The following GPM6A variants were observed in gnomAD, a reference collection of about 807,000 sequenced individuals.
GPM6A encodes glycoprotein M6A.
Under a neutral mutation model 32.1 loss-of-function variants are expected in GPM6A, and 7 were observed. The observed-to-expected ratio is 0.22, with a 90% CI of 0.12 to 0.41. GPM6A has a LOEUF of 0.41. Among genes scored for constraint, GPM6A ranks in the 10% least tolerant of loss-of-function variants. GPM6A has a pLI of 1.00. For synonymous variants in GPM6A, 130 were observed against 123.4 expected (o/e 1.05, Z -0.35); for missense variants, 235 against 347.2 (o/e 0.68, Z 2.57).
At chr4:175,641,065 T>G in intron 4 of GPM6A, 1 of 483,284 alleles carries the variant, frequency 2.1e-6, no homozygotes, top group South Asian at 2.5e-5. Context: ...CTGAATTCAA[T>G]TGAATCTCAC....
intron 2 of GPM6A, among the ~76,000 whole-genome samples, chr4:175,700,986 A>C (rs1162707619): frequency 6.6e-6 from 1 of 152,216 alleles, no homozygotes; most frequent in Non-Finnish European, 1.5e-5. Context: ...ACATAATCAT[A>C]GTGATCTTAG....
At chr4:175,701,541 A>T (rs977978299) in intron 2 of GPM6A, 34 bp downstream of exon 2, 2 of 1,491,068 alleles carry the variant, frequency 1.3e-6, no homozygotes, top group Non-Finnish European at 9.3e-7. Flanking sequence ...AAATATATAC[A>T]TGGAAAATAA....
chr4:175,735,013 A>G (rs1297909102), intron 1 of GPM6A, among the ~76,000 whole-genome samples: 12 of 152,236 alleles, frequency 7.9e-5, no homozygotes, highest in Admixed American at 7.2e-4. Context: ...TATAAATGTC[A>G]TGAAACCATA....
intron 1 of GPM6A, among the ~76,000 whole-genome samples, chr4:175,795,567 T>C (rs780166129): frequency 7.0e-4 from 107 of 151,970 alleles, no homozygotes; most frequent in Non-Finnish European, 1.4e-3. Flanking sequence ...CTGCACAACA[T>C]ACTGAGACCC....
intron 1 of GPM6A, among the ~76,000 whole-genome samples, chr4:175,982,835 A>G (rs1740857233): frequency 1.3e-5 from 2 of 152,152 alleles, no homozygotes; most frequent in Admixed American, 6.5e-5. Context: ...AGAATTGACA[A>G]TTTAATATTG....
At chr4:175,703,422 T>C (rs1744991729) in intron 1 of GPM6A, among the ~76,000 whole-genome samples, 2 of 152,088 alleles carry the variant, frequency 1.3e-5, no homozygotes, top group South Asian at 4.1e-4. Context: ...CCATCCACCC[T>C]AGCCTCCCAA....
At chr4:175,959,638 G>A (rs114594690) in intron 1 of GPM6A, among the ~76,000 whole-genome samples, 1 of 152,158 alleles carries the variant, frequency 6.6e-6, no homozygotes, top group African/African-American at 2.4e-5. Context: ...TTGCTACTCT[G>A]TGTGACAAAA....
chr4:175,899,133 T>G (rs994424452), intron 1 of GPM6A, among the ~76,000 whole-genome samples: 1 of 152,298 alleles, frequency 6.6e-6, no homozygotes, highest in Admixed American at 6.5e-5. Flanking sequence ...TGCTTCTTCC[T>G]CTCCCCTCTA....
rs186665661 is a variant in GPM6A, at chr4:175,700,196, A to G, written c.230+1379T>C. Among the ~76,000 whole-genome samples the G allele has an allele frequency of 2.1e-3, 316 of 152,226 alleles. 1 individual carries two copies. The highest frequency in any genetic ancestry group is 4.5e-3 in the African/African-American group (185 of 41,568). On this transcript the variant is annotated intron_variant, in intron 2 of 6. Transcript: ENST00000393658. The stretch of plus-strand genomic sequence containing the variant: ...TATTCTCTTTTCATTTTCAGGGGAA[A>G]TTAGTAACTTTAATAAATAAAAAAA...
intron 1 of GPM6A, among the ~76,000 whole-genome samples, chr4:175,798,377 G>T (rs986462427): frequency 6.6e-6 from 1 of 152,102 alleles, no homozygotes; most frequent in Non-Finnish European, 1.5e-5. Flanking sequence ...CCTATTTAAG[G>T]CTAAGAAAAC....
intron 1 of GPM6A, among the ~76,000 whole-genome samples, chr4:175,756,745 T>A (rs1385155491): frequency 6.6e-6 from 1 of 152,088 alleles, no homozygotes; most frequent in Non-Finnish European, 1.5e-5. Context: ...AAATAATATA[T>A]GCAATCATTA....
At position 175,861,713 on chromosome 4, in the gene GPM6A, G is replaced by GCA. The variant is rs1290326629; in HGVS notation, c.-22-49466_-22-49465dup. On this transcript the variant is annotated intron_variant, in intron 1 of 7. Coordinates refer to the GPM6A transcript ENST00000280187. ...TTACAGTGAGCCAAGATGGTACCAT[G>GCA]CACTCCAGGCTGGGTGAGAGAGAGA... 5.1e-5 allele frequency among the ~76,000 whole-genome samples: 7 copies of GCA among 137,792 alleles called. No individual in the cohort carries two copies. The East Asian group carries it at 1.4e-3, about 28-fold the overall frequency. 90.4% of individuals were successfully genotyped at this position (137,792 alleles called of 152,430 possible). A position where few individuals can be genotyped will look rare whatever the true frequency, so the allele number is the denominator to read the frequency against.
intron 1 of GPM6A, chr4:175,795,773 TA>T (rs1734197104): frequency 6.6e-6 from 1 of 151,948 alleles, no homozygotes; most frequent in East Asian, 1.9e-4. Context: ...TATGATAAAA[TA>T]AAATAAGTAA....
chr4:175,843,494 A>G (rs1020272649), intron 1 of GPM6A, among the ~76,000 whole-genome samples: 4 of 152,090 alleles, frequency 2.6e-5, no homozygotes, highest in African/African-American at 9.7e-5. Context: ...AACTTATTTA[A>G]ACCTACTGGG....
chr4:175,962,737 CT>C (rs989188602), intron 1 of GPM6A, among the ~76,000 whole-genome samples: 3 of 152,074 alleles, frequency 2.0e-5, no homozygotes, highest in African/African-American at 7.2e-5. Flanking sequence ...ACCTATTTAC[CT>C]CATTTATTTT....
Position 175,889,916 on chromosome 4 carries a change from CAATT to C in GPM6A, c.-22-77671_-22-77668del, listed in dbSNP as rs367915974. ...AGGAAAAGATAAGTCACTGACTATACAATTAATAGGAACCCAAAACATGTGAAAA... is the reference window on the plus strand; with the variant it reads ...AGGAAAAGATAAGTCACTGACTATACAATAGGAACCCAAAACATGTGAAAA... On this transcript the variant is annotated intron_variant, in intron 1 of 7. Coordinates refer to the GPM6A transcript ENST00000280187. Among the ~76,000 whole-genome samples, 42 of 152,232 alleles carry C rather than the reference CAATT, an allele frequency of 2.8e-4. No individual in the cohort carries two copies. In the East Asian group the frequency reaches 4.4e-3, roughly 16 times the overall value.
At chr4:175,817,431 G>C (rs923920315) in intron 1 of GPM6A, among the ~76,000 whole-genome samples, 123 of 152,316 alleles carry the variant, frequency 8.1e-4, no homozygotes, top group African/African-American at 2.9e-3. Context: ...GCCTAGCAGC[G>C]TAGGACAGAC....
chr4:175,712,471 A>G (rs1404862648), intron 1 of GPM6A, among the ~76,000 whole-genome samples: 1 of 152,220 alleles, frequency 6.6e-6, no homozygotes, highest in African/African-American at 2.4e-5. Flanking sequence ...GGGGAACAAG[A>G]AGTGCTTTCA....
At chr4:175,812,978 A>C (rs965130380), upstream of GPM6A, 2 of 985,268 alleles carry the variant, frequency 2.0e-6, no homozygotes, top group African/African-American at 3.5e-5. Flanking sequence ...ATTTAAAAAG[A>C]AATAGAAGCG....
Sources: allele counts gnomAD v4.1 joint callset (sites outside exome capture counted in the v4.1 genomes callset), GRCh38; gene constraint gnomAD v4.1.1; transcripts MANE v1.5; gene names NCBI Gene and HGNC (gene_info 2026-07-23, HGNC 2026-07-21).